CDH17: variants seen among roughly 807,000 people sequenced by gnomAD.
CDH17 encodes cadherin-17.
Under a neutral mutation model 86.3 loss-of-function variants are expected in CDH17, and 67 were observed. The observed-to-expected ratio is 0.78, with a 90% confidence interval of 0.64 to 0.95. The LOEUF is 0.95. Among genes scored for constraint, CDH17 ranks in the 40% least tolerant of loss-of-function variants. The probability of loss-of-function intolerance (pLI) is 0.00; values close to 1 mark genes in which losing one functional copy is unlikely to be tolerated. For synonymous variants in CDH17, 367 were observed against 366.4 expected, an observed-to-expected ratio of 1.00 and a Z score of -0.02; for missense variants, 993 against 1,017.6, an observed-to-expected ratio of 0.98 and a Z score of 0.33.
chr8:94,159,836 A>T, intron 12 of CDH17, 135 bp downstream of exon 12: 1 of 567,660 alleles, frequency 1.8e-6, no homozygotes, highest in East Asian at 3.2e-5. Flanking sequence ...AGAGGAATCC[A>T]GGAATCCAGG....
chr8:94,139,903 T>TAA (rs59201526), intron 15 of CDH17, among the ~76,000 whole-genome samples: 61 of 147,274 alleles, frequency 4.1e-4, no homozygotes, highest in African/African-American at 1.1e-3. Context: ...AAAAAATAAA[T>TAA]AAAAAAAAAG....
intron 15 of CDH17, among the ~76,000 whole-genome samples, chr8:94,135,724 AATTG>A (rs1638292647): frequency 1.3e-5 from 2 of 152,246 alleles, no homozygotes; most frequent in South Asian, 4.1e-4. Flanking sequence ...TTTGCCTGTT[AATTG>A]ATATAGTTTC....
At chr8:94,184,040 TAA>T (rs567593599) in intron 3 of CDH17, among the ~76,000 whole-genome samples, 26 of 138,536 alleles carry the variant, frequency 1.9e-4, no homozygotes, top group South Asian at 2.3e-4. Context: ...TAGCTATAAT[TAA>T]AAAAAAAAAA....
At chr8:94,167,590 A>G (rs2041548773) in intron 9 of CDH17, among the ~76,000 whole-genome samples, 1 of 152,212 alleles carries the variant, frequency 6.6e-6, no homozygotes. Context: ...TGCATATGGC[A>G]TGCATATGCC....
chr8:94,200,531 TCTTTTG>T (rs1813885831), intron 1 of CDH17, among the ~76,000 whole-genome samples: 1 of 106,934 alleles, frequency 9.4e-6, no homozygotes, highest in Non-Finnish European at 1.8e-5. Context: ...ATTATTATTA[TCTTTTG>T]TTTTTTTTTT....
At chr8:94,193,425 C>T (rs1455853149) in intron 2 of CDH17, among the ~76,000 whole-genome samples, 3 of 152,134 alleles carry the variant, frequency 2.0e-5, no homozygotes, top group Admixed American at 6.6e-5. Flanking sequence ...AACCACCAGT[C>T]GCTGATCCAA....
chr8:94,135,947 T>A (rs1456165381), intron 15 of CDH17, among the ~76,000 whole-genome samples: 12 of 152,180 alleles, frequency 7.9e-5, no homozygotes, highest in African/African-American at 1.9e-4. Context: ...TTCTGGGTTG[T>A]AAATTCTTTT....
intron 14 of CDH17, among the ~76,000 whole-genome samples, chr8:94,146,911 ATGTTTTCTTGCTCATTTCTAGTAAACCC>A (rs1374611523): frequency 2.6e-5 from 4 of 151,204 alleles, no homozygotes; most frequent in Non-Finnish European, 5.9e-5. Context: ...GATTCCAGTA[ATGTTTTCTTGCTCATTTCTAGTAAACCC>A]TGTTTTCTTG....
chr8:94,151,854 C>A lies in CDH17; in HGVS notation c.1796+14G>T, dbSNP rs1158951956. The stretch of plus-strand genomic sequence containing the variant: ...ACCACGCAGCCAGGCCTGCCCAGCA[C>A]TGTTGCCCTTTACCTTATGTCCAGA... On this transcript the variant is annotated intron_variant, in intron 13 of 17. Coordinates refer to ENST00000027335, the MANE Select transcript of CDH17 (RefSeq NM_004063.4). 6.2e-7 allele frequency: 1 copy of A among 1,614,036 alleles called. No homozygotes were observed. The highest frequency in any genetic ancestry group is 1.7e-5 in the Admixed American group (1 of 60,028).
intron 13 of CDH17, among the ~76,000 whole-genome samples, chr8:94,149,077 T>C (rs1031672754): frequency 3.9e-5 from 6 of 152,244 alleles, no homozygotes; most frequent in African/African-American, 7.2e-5. Flanking sequence ...TCTCATATTA[T>C]TAATGCTTTA....
chr8:94,135,111 G>C (rs979776775), intron 15 of CDH17, among the ~76,000 whole-genome samples: 3 of 152,104 alleles, frequency 2.0e-5, no homozygotes, highest in Admixed American at 6.5e-5. Flanking sequence ...AGTGCTATGT[G>C]GCACTGAGAA....
chr8:94,168,472 G>A (rs2130632902), intron 9 of CDH17, among the ~76,000 whole-genome samples: 1 of 151,748 alleles, frequency 6.6e-6, no homozygotes, highest in East Asian at 1.9e-4. Flanking sequence ...GGTTTTATTT[G>A]TGAATATTTC....
intron 3 of CDH17, among the ~76,000 whole-genome samples, chr8:94,187,779 C>G (rs1295711993): frequency 6.6e-6 from 1 of 152,116 alleles, no homozygotes; most frequent in Non-Finnish European, 1.5e-5. Context: ...GGGCAGCCAT[C>G]CCTGCCGGGC....
intron 12 of CDH17, among the ~76,000 whole-genome samples, chr8:94,153,267 A>C (rs541226747): frequency 4.9e-4 from 74 of 152,322 alleles, no homozygotes; most frequent in African/African-American, 1.7e-3. Context: ...TATGGAAAAA[A>C]ATGCTCATTA....
upstream of CDH17, among the ~76,000 whole-genome samples, chr8:94,212,174 G>A (rs1221510003): frequency 6.6e-6 from 1 of 152,186 alleles, no homozygotes; most frequent in Non-Finnish European, 1.5e-5. Flanking sequence ...TTTGGAGACA[G>A]GGTCTCGCTC....
chr8:94,142,551 A>T (rs138021874), intron 15 of CDH17, among the ~76,000 whole-genome samples: 145 of 152,350 alleles, frequency 9.5e-4, no homozygotes, highest in Middle Eastern at 3.4e-3. Context: ...TTCATGAGAG[A>T]GCCCTCTGTA....
At chr8:94,133,726 G>C (rs1441465220) in intron 15 of CDH17, among the ~76,000 whole-genome samples, 1 of 152,170 alleles carries the variant, frequency 6.6e-6, no homozygotes, top group East Asian at 1.9e-4. Flanking sequence ...GGGCATCCTT[G>C]TCTTCTGCCG....
chr8:94,134,749 G>A (rs562964016), intron 15 of CDH17, among the ~76,000 whole-genome samples: 5 of 152,192 alleles, frequency 3.3e-5, no homozygotes, highest in African/African-American at 1.2e-4. Context: ...TCATTGTGAT[G>A]TTAGGGTGTC....
chr8:94,156,809 G>A (rs1045814496), intron 12 of CDH17, among the ~76,000 whole-genome samples: 1 of 152,222 alleles, frequency 6.6e-6, no homozygotes, highest in African/African-American at 2.4e-5. Context: ...GCTGCTGGAT[G>A]CTGTGTTAGG....
Sources: allele counts gnomAD v4.1 joint callset (sites outside exome capture counted in the v4.1 genomes callset), GRCh38; gene constraint gnomAD v4.1.1; transcripts MANE v1.5; gene names NCBI Gene and HGNC (gene_info 2026-07-23, HGNC 2026-07-21).